The following TRNAU1AP variants were observed in gnomAD, a reference collection of about 807,000 sequenced individuals.
TRNAU1AP encodes the protein tRNA selenocysteine 1 associated protein 1, also known as tRNA selenocysteine 1-associated protein 1.
Under a neutral mutation model 43.3 loss-of-function variants are expected in TRNAU1AP, and 33 were observed. That is an observed-to-expected ratio of 0.76 (90% CI 0.58 to 1.02). The LOEUF is 1.02. Among genes scored for constraint, TRNAU1AP ranks in the 50% least tolerant of loss-of-function variants. The probability of loss-of-function intolerance (pLI) is 0.00; values close to 1 mark genes in which losing one functional copy is unlikely to be tolerated. For missense variants in TRNAU1AP, 290 were observed against 362.7 expected (o/e 0.80, Z 1.63); for synonymous variants, 143 against 129.1 (o/e 1.11, Z -0.73).
intron 5 of TRNAU1AP, 105 bp from the exon 6 acceptor site, chr1:28,567,189 C>T (rs1665560246): frequency 7.8e-7 from 1 of 1,283,384 alleles, no homozygotes; most frequent in Non-Finnish European, 1.1e-6. Context: ...GCCTCTTTTC[C>T]TTTCTACATT....
At chr1:28,560,243 TTC>T (rs1665375655) in intron 2 of TRNAU1AP, among the ~76,000 whole-genome samples, 1 of 151,766 alleles carries the variant, frequency 6.6e-6, no homozygotes, top group Non-Finnish European at 1.5e-5. Context: ...AGAAAAACAT[TTC>T]TTTCTCCCTT....
At chr1:28,562,644 G>A (rs967743901) in intron 4 of TRNAU1AP, among the ~76,000 whole-genome samples, 4 of 151,038 alleles carry the variant, frequency 2.6e-5, no homozygotes, top group Non-Finnish European at 5.9e-5. Flanking sequence ...GCAGTGGCAC[G>A]ATCTCTGCTC....
In TRNAU1AP at chr1:28,577,759, C is replaced by A; in HGVS notation, c.*123C>A. On this transcript the variant is annotated 3_prime_UTR_variant, in exon 9 of 9. Transcript: ENST00000373830. ...TTTAATAATGACTGTTTTTGGAGAT[C>A]ATGAATGTTTCTACAACACTGCTGC... 1 of 1,120,394 alleles carries A rather than the reference C, an allele frequency of 8.9e-7. No individual in the cohort carries two copies. The highest frequency in any genetic ancestry group is 1.3e-6 in the Non-Finnish European group (1 of 785,192). 69.4% of individuals were successfully genotyped at this position (1,120,394 alleles called of 1,614,324 possible). A position where few individuals can be genotyped will look rare whatever the true frequency, so the allele number is the denominator to read the frequency against.
chr1:28,568,743 G>A (rs572546393), intron 6 of TRNAU1AP, among the ~76,000 whole-genome samples: 5 of 151,862 alleles, frequency 3.3e-5, no homozygotes, highest in East Asian at 1.9e-4. Flanking sequence ...GCAATTCATC[G>A]GACAGCCACC....
At chr1:28,561,827 CTT>C (rs1201666430) in intron 4 of TRNAU1AP, among the ~76,000 whole-genome samples, 1 of 152,116 alleles carries the variant, frequency 6.6e-6, no homozygotes, top group Non-Finnish European at 1.5e-5. Flanking sequence ...AATCCCAGCA[CTT>C]TGGGAGGCCA....
chr1:28,561,859 T>C (rs1327589667), intron 4 of TRNAU1AP, among the ~76,000 whole-genome samples: 1 of 152,026 alleles, frequency 6.6e-6, no homozygotes, highest in African/African-American at 2.4e-5. Context: ...GATCACGAGG[T>C]CAGGAGATCG....
At chr1:28,560,586 C>A (rs1665384312) in intron 2 of TRNAU1AP, 47 bp from the exon 3 acceptor site, 2 of 1,526,422 alleles carry the variant, frequency 1.3e-6, no homozygotes, top group Middle Eastern at 3.4e-4. Flanking sequence ...TCATCTTGAG[C>A]CATTTTATCT....
chr1:28,568,832 G>A (rs1386087051), intron 6 of TRNAU1AP, among the ~76,000 whole-genome samples: 2 of 146,336 alleles, frequency 1.4e-5, no homozygotes, highest in South Asian at 4.3e-4. Flanking sequence ...TTTTTTTTGA[G>A]ATGGTGTCTT....
chr1:28,555,165 G>C lies in TRNAU1AP; in HGVS notation c.125+1428G>C, dbSNP rs1401941855. Among the ~76,000 whole-genome samples, 6 of 151,780 alleles carry C rather than the reference G, an allele frequency of 4.0e-5. No homozygotes were observed. In the East Asian group the frequency reaches 1.2e-3, roughly 30 times the overall value. ...GAATCGCTTGAACTTGGGAGGCAGAGGTTGTAGTGAGCCGAGATCGCGCCA... is the reference window on the plus strand; with the variant it reads ...GAATCGCTTGAACTTGGGAGGCAGACGTTGTAGTGAGCCGAGATCGCGCCA... On this transcript the variant is annotated intron_variant, in intron 2 of 8. Coordinates refer to ENST00000373830, the MANE Select transcript of TRNAU1AP (RefSeq NM_017846.5).
At chr1:28,564,292 C>T (rs1019409878) in intron 4 of TRNAU1AP, among the ~76,000 whole-genome samples, 2 of 152,146 alleles carry the variant, frequency 1.3e-5, no homozygotes, top group Admixed American at 1.3e-4. Context: ...ATTTAATTTT[C>T]GCTAGGCTTT....
At chr1:28,567,176 T>G (rs985769878) in intron 5 of TRNAU1AP, 118 bp from the exon 6 acceptor site, 4 of 1,099,878 alleles carry the variant, frequency 3.6e-6, no homozygotes, top group Non-Finnish European at 5.3e-6. Context: ...CTTTCTCTTC[T>G]CAGCCTCTTT....
chr1:28,562,738 G>T (rs942991636), intron 4 of TRNAU1AP, among the ~76,000 whole-genome samples: 3 of 151,644 alleles, frequency 2.0e-5, no homozygotes, highest in African/African-American at 7.3e-5. Context: ...CTGCCACCAC[G>T]CCTGGCTAAA....
intron 6 of TRNAU1AP, 45 bp from the exon 7 acceptor site, chr1:28,571,131 G>A: frequency 1.3e-6 from 2 of 1,594,520 alleles, no homozygotes; most frequent in Non-Finnish European, 1.7e-6. Flanking sequence ...GCAGTGTTAC[G>A]GAAATGTTTG....
chr1:28,573,222 C>T (rs959540627), intron 8 of TRNAU1AP, among the ~76,000 whole-genome samples: 4 of 150,626 alleles, frequency 2.7e-5, no homozygotes, highest in South Asian at 2.1e-4. Context: ...TTAGTAGAGA[C>T]GGGGTTTCAC....
At chr1:28,562,165 G>A (rs749679022) in intron 4 of TRNAU1AP, among the ~76,000 whole-genome samples, 1 of 152,190 alleles carries the variant, frequency 6.6e-6, no homozygotes, top group East Asian at 1.9e-4. Flanking sequence ...GCATTAAAAC[G>A]GTGTACCAAA....
At chr1:28,553,597 C>T (rs781707084) in intron 1 of TRNAU1AP, 43 bp from the exon 2 acceptor site, 2 of 1,593,798 alleles carry the variant, frequency 1.3e-6, no homozygotes, top group East Asian at 2.2e-5. Flanking sequence ...GAGTGGGAAG[C>T]CCGGCCGCCG....
At chr1:28,562,051 C>T (rs575635993) in intron 4 of TRNAU1AP, among the ~76,000 whole-genome samples, 12 of 151,836 alleles carry the variant, frequency 7.9e-5, no homozygotes, top group Admixed American at 4.6e-4. Flanking sequence ...CCACTGCACT[C>T]CAGCCTGGGC....
At chr1:28,571,843 C>A in intron 7 of TRNAU1AP, 24 bp from the exon 8 acceptor site, 1 of 1,586,700 alleles carries the variant, frequency 6.3e-7, no homozygotes, top group Non-Finnish European at 8.6e-7. Flanking sequence ...ATGCCCCTAA[C>A]CCACATCTCT....
chr1:28,557,214 T>C (rs1665284255), intron 2 of TRNAU1AP, among the ~76,000 whole-genome samples: 2 of 151,078 alleles, frequency 1.3e-5, no homozygotes, highest in African/African-American at 4.8e-5. Flanking sequence ...GGTCAGGAGA[T>C]CGAGACCATC....
Sources: gnomAD v4.1 joint callset for allele counts (sites outside exome capture counted in the v4.1 genomes callset) on GRCh38, gnomAD v4.1.1 for gene constraint, MANE v1.5 for transcripts, NCBI Gene and HGNC (gene_info 2026-07-23, HGNC 2026-07-21) for gene names.